The following TIAM1 variants were observed in gnomAD, a reference collection of about 807,000 sequenced individuals.
TIAM1 encodes the protein rho guanine nucleotide exchange factor TIAM1.
Under a neutral mutation model 163.5 loss-of-function variants are expected in TIAM1, and 65 were observed. The observed-to-expected ratio is 0.40, with a 90% CI of 0.33 to 0.49. The LOEUF (loss-of-function observed/expected upper bound fraction) is 0.49. TIAM1 is among the 20% of genes least tolerant of loss of function. The pLI is 0.77. For synonymous variants in TIAM1, 833 were observed against 810.1 expected (o/e 1.03, Z -0.48); for missense variants, 1,789 against 2,044.7 (o/e 0.87, Z 2.41).
intron 4 of TIAM1, among the ~76,000 whole-genome samples, chr21:31,257,483 T>C (rs1006429017): frequency 6.6e-6 from 1 of 152,198 alleles, no homozygotes; most frequent in Non-Finnish European, 1.5e-5. Context: ...TCTATGTATG[T>C]GCTTATACCT....
intron 1 of TIAM1, among the ~76,000 whole-genome samples, chr21:31,534,507 T>C (rs1042919961): frequency 3.3e-5 from 5 of 152,194 alleles, no homozygotes; most frequent in African/African-American, 9.6e-5. Flanking sequence ...GAAACCCATC[T>C]CTTTTAAAAA....
intron 2 of TIAM1, among the ~76,000 whole-genome samples, chr21:31,332,794 CAA>C (rs563454311): frequency 7.6e-6 from 1 of 130,782 alleles, no homozygotes; most frequent in African/African-American, 2.8e-5. Context: ...CAATGATCTA[CAA>C]AAAAAAAAAA....
At chr21:31,155,743 C>T (rs1028749739) in intron 16 of TIAM1, among the ~76,000 whole-genome samples, 6 of 152,192 alleles carry the variant, frequency 3.9e-5, no homozygotes, top group East Asian at 1.9e-4. Context: ...CCTTGTGATC[C>T]ACCCGCCTTG....
chr21:31,535,465 G>GCA (rs1158667439), intron 1 of TIAM1, among the ~76,000 whole-genome samples: 1 of 139,458 alleles, frequency 7.2e-6, no homozygotes, highest in Admixed American at 7.4e-5. Context: ...TAAAACTAAA[G>GCA]CACATGCAAA....
intron 2 of TIAM1, among the ~76,000 whole-genome samples, chr21:31,356,975 C>T (rs2076326585): frequency 6.6e-6 from 1 of 152,158 alleles, no homozygotes; most frequent in Non-Finnish European, 1.5e-5. Flanking sequence ...AATGAATAAA[C>T]ATTTTTAAAA....
intron 2 of TIAM1, among the ~76,000 whole-genome samples, chr21:31,396,386 C>T (rs1009824183): frequency 1.3e-5 from 2 of 152,056 alleles, no homozygotes; most frequent in African/African-American, 4.8e-5. Flanking sequence ...TCTCCCTCCA[C>T]GCAGACCTCA....
chr21:31,306,094 G>A (rs939064431), intron 2 of TIAM1, among the ~76,000 whole-genome samples: 8 of 149,304 alleles, frequency 5.4e-5, no homozygotes, highest in African/African-American at 2.0e-4. Flanking sequence ...AGAATGGCCT[G>A]GCAACCCACC....
At chr21:31,503,608 G>GAGGAGTGGAA (rs1569393694) in intron 1 of TIAM1, among the ~76,000 whole-genome samples, 1 of 105,038 alleles carries the variant, frequency 9.5e-6, no homozygotes, top group Non-Finnish European at 2.0e-5. Flanking sequence ...GGGGAGGGGA[G>GAGGAGTGGAA]GGGAGGGACC....
At chr21:31,519,854 T>C (rs962595205) in intron 1 of TIAM1, among the ~76,000 whole-genome samples, 4 of 152,018 alleles carry the variant, frequency 2.6e-5, no homozygotes, top group Admixed American at 2.0e-4. Context: ...GTCGAATACA[T>C]AGAGATAGAA....
intron 1 of TIAM1, among the ~76,000 whole-genome samples, chr21:31,505,873 G>A (rs1031708525): frequency 1.3e-5 from 2 of 151,870 alleles, no homozygotes; most frequent in Non-Finnish European, 2.9e-5. Flanking sequence ...GCCGGACGTG[G>A]TGGCGGGTGC....
At chr21:31,161,079 T>TG (rs1568944098) in intron 16 of TIAM1, among the ~76,000 whole-genome samples, 21 of 106,878 alleles carry the variant, frequency 2.0e-4, no homozygotes, top group South Asian at 3.3e-4. Flanking sequence ...GTGTGTGTGT[T>TG]TAACAGTTGA....
At chr21:31,505,802 C>T (rs1054858224) in intron 1 of TIAM1, among the ~76,000 whole-genome samples, 22 of 151,962 alleles carry the variant, frequency 1.4e-4, no homozygotes, top group Non-Finnish European at 2.4e-4. Context: ...GTCGGGAGTT[C>T]GAGACGAGCA....
chr21:31,159,080 G>C (rs1483548129), intron 16 of TIAM1, among the ~76,000 whole-genome samples: 1 of 152,076 alleles, frequency 6.6e-6, no homozygotes, highest in Non-Finnish European at 1.5e-5. Flanking sequence ...TTCTCCAGTG[G>C]GGAAAGTAAA....
At chr21:31,174,717 G>A (rs978985420) in intron 15 of TIAM1, among the ~76,000 whole-genome samples, 2 of 152,094 alleles carry the variant, frequency 1.3e-5, no homozygotes, top group East Asian at 1.9e-4. Flanking sequence ...GTGCGATCCC[G>A]GCTCACTGCA....
At chr21:31,302,303 C>T (rs1480427278) in intron 2 of TIAM1, among the ~76,000 whole-genome samples, 1 of 152,140 alleles carries the variant, frequency 6.6e-6, no homozygotes, top group Non-Finnish European at 1.5e-5. Context: ...ATATATTTAA[C>T]TATCATAACT....
chr21:31,534,589 T>G (rs192766887), intron 1 of TIAM1, among the ~76,000 whole-genome samples: 1 of 152,080 alleles, frequency 6.6e-6, no homozygotes, highest in Non-Finnish European at 1.5e-5. Context: ...ATAGAAGAAT[T>G]GTTGAACCCG....
chr21:31,423,363 G>A (rs1022212328), intron 2 of TIAM1, among the ~76,000 whole-genome samples: 8 of 151,952 alleles, frequency 5.3e-5, no homozygotes, highest in Admixed American at 2.0e-4. Context: ...CTCCCAAAGC[G>A]CTGGGATTAC....
intron 19 of TIAM1, among the ~76,000 whole-genome samples, chr21:31,151,798 G>C (rs547198840): frequency 6.6e-6 from 1 of 152,258 alleles, no homozygotes; most frequent in Non-Finnish European, 1.5e-5. Context: ...AATGTGCTTT[G>C]TTAATTGGAG....
intron 20 of TIAM1, among the ~76,000 whole-genome samples, chr21:31,146,573 T>A (rs934563774): frequency 6.6e-6 from 1 of 151,608 alleles, no homozygotes; most frequent in African/African-American, 2.4e-5. Context: ...TAGCCAGGTG[T>A]GGTGGTGCAC....
Sources: allele counts gnomAD v4.1 joint callset (sites outside exome capture counted in the v4.1 genomes callset), GRCh38; gene constraint gnomAD v4.1.1; transcripts MANE v1.5; gene names NCBI Gene and HGNC (gene_info 2026-07-23, HGNC 2026-07-21).